The following RP1 variants were observed in gnomAD, a reference collection of about 807,000 sequenced individuals.
RP1 encodes the protein RP1 axonemal microtubule associated.
In RP1, 16 loss-of-function variants were observed where a neutral mutation model predicts 14.8. The ratio of observed to expected loss-of-function variants is 1.08; its 90% CI spans 0.73 to 1.65. RP1 has a LOEUF of 1.65. Among genes scored for constraint, RP1 ranks in the 40% most tolerant of loss-of-function variants. RP1 has a pLI of 0.00. For missense variants in RP1, 2,631 were observed against 2,535.0 expected, an observed-to-expected ratio of 1.04 and a Z score of -0.81; for synonymous variants, 876 against 883.6, an observed-to-expected ratio of 0.99 and a Z score of 0.15.
At chr8:54,837,180 A>G (rs150893967) in intron 24 of RP1, among the ~76,000 whole-genome samples, 1 of 152,348 alleles carries the variant, frequency 6.6e-6, no homozygotes, top group Non-Finnish European at 1.5e-5. Context: ...ACAATAAAAT[A>G]TGCATATTGC....
At chr8:54,576,126 C>T (rs891357041) in intron 1 of RP1, among the ~76,000 whole-genome samples, 7 of 151,544 alleles carry the variant, frequency 4.6e-5, no homozygotes, top group Non-Finnish European at 1.0e-4. Context: ...CTGCAAGCTC[C>T]GCCTCCCAGG....
intron 1 of RP1, among the ~76,000 whole-genome samples, chr8:54,595,773 T>G (rs1171501811): frequency 6.6e-6 from 1 of 152,228 alleles, no homozygotes; most frequent in Admixed American, 6.5e-5. Context: ...TTATATGTTT[T>G]GAGGATAGCT....
intron 24 of RP1, among the ~76,000 whole-genome samples, chr8:54,813,010 T>C (rs890552147): frequency 1.3e-5 from 2 of 152,200 alleles, no homozygotes; most frequent in Non-Finnish European, 2.9e-5. Context: ...AAGTCAAAAT[T>C]TAGTTTCTGC....
At chr8:54,655,498 G>T (rs920736492) in intron 5 of RP1, among the ~76,000 whole-genome samples, 39 of 152,006 alleles carry the variant, frequency 2.6e-4, no homozygotes, top group Non-Finnish European at 1.9e-4. Context: ...AGGATCCAAA[G>T]GGGGAACCAT....
At chr8:54,659,544 C>A (rs140555888) in intron 6 of RP1, among the ~76,000 whole-genome samples, 1 of 152,046 alleles carries the variant, frequency 6.6e-6, no homozygotes, top group Non-Finnish European at 1.5e-5. Flanking sequence ...ACTGTATAAT[C>A]GAGGGCTTTT....
rs536973177 is a variant in RP1, at chr8:54,606,086, T to G, written c.-12-14869T>G. Among the ~76,000 whole-genome samples, 44 of 152,304 alleles carry G rather than the reference T, an allele frequency of 2.9e-4. No individual in the cohort carries two copies. The South Asian group carries it at 7.5e-3, about 26-fold the overall frequency. On this transcript the variant is annotated intron_variant, in intron 1 of 22. Coordinates refer to the RP1 transcript ENST00000636932. ...ATGTGTGAATTTGATCCTGTCATGA[T>G]GATGTTAGCTGGTTATTTTGCTCAT...
chr8:54,820,577 C>G (rs1328703806), intron 24 of RP1, among the ~76,000 whole-genome samples: 2 of 152,114 alleles, frequency 1.3e-5, no homozygotes, highest in Non-Finnish European at 2.9e-5. Flanking sequence ...CACTGAGTTC[C>G]ATGGCAGAGT....
At chr8:54,560,386 A>T (rs1193402973) in intron 1 of RP1, 1 of 152,162 alleles carries the variant, frequency 6.6e-6, no homozygotes, top group African/African-American at 2.4e-5. Flanking sequence ...AGAAAGCTGG[A>T]GCTGGAAGGA....
chr8:54,634,934 T>A (rs569409698), downstream of RP1, among the ~76,000 whole-genome samples: 1 of 152,054 alleles, frequency 6.6e-6, no homozygotes, highest in East Asian at 1.9e-4. Flanking sequence ...ACAAAAAAAT[T>A]AGCCAGGTTT....
intron 12 of RP1, among the ~76,000 whole-genome samples, chr8:54,692,046 T>G (rs550133668): frequency 3.6e-4 from 54 of 151,860 alleles, no homozygotes; most frequent in African/African-American, 1.3e-3. Context: ...AATTCCCACC[T>G]ATGAGTGAGA....
chr8:54,717,307 G>T (rs1184377233), intron 15 of RP1, among the ~76,000 whole-genome samples: 1 of 152,136 alleles, frequency 6.6e-6, no homozygotes. Flanking sequence ...CTCTAGGCTG[G>T]ATTCTTCTTA....
intron 5 of RP1, among the ~76,000 whole-genome samples, chr8:54,653,301 A>C (rs982108239): frequency 4.6e-5 from 7 of 152,214 alleles, no homozygotes; most frequent in Admixed American, 1.3e-4. Flanking sequence ...TATTTTTAAG[A>C]TTAAAAAAAG....
chr8:54,704,723 T>C (rs1251606606), intron 14 of RP1, among the ~76,000 whole-genome samples: 1 of 152,150 alleles, frequency 6.6e-6, no homozygotes, highest in Non-Finnish European at 1.5e-5. Flanking sequence ...AATAAACACT[T>C]TCTCACATTA....
At chr8:54,632,815 A>G (rs1464475994), downstream of RP1, among the ~76,000 whole-genome samples, 1 of 152,212 alleles carries the variant, frequency 6.6e-6, no homozygotes, top group African/African-American at 2.4e-5. Context: ...TGTGAAATTT[A>G]GAAGAGTAAG....
intron 19 of RP1, among the ~76,000 whole-genome samples, chr8:54,742,832 T>C (rs1168176689): frequency 1.3e-5 from 2 of 152,130 alleles, no homozygotes; most frequent in Non-Finnish European, 2.9e-5. Flanking sequence ...CTGGGGCCTG[T>C]GAGTGAGAAA....
chr8:54,689,732 T>G (rs966899313), intron 12 of RP1, among the ~76,000 whole-genome samples: 3 of 152,074 alleles, frequency 2.0e-5, no homozygotes, highest in Non-Finnish European at 4.4e-5. Flanking sequence ...TTTTTTTGCA[T>G]AAAGCATAAC....
At chr8:54,569,112 C>T (rs971390153) in intron 1 of RP1, among the ~76,000 whole-genome samples, 1 of 152,168 alleles carries the variant, frequency 6.6e-6, no homozygotes, top group African/African-American at 2.4e-5. Flanking sequence ...CCCAAAGTTA[C>T]GTTCCCAGGA....
intron 22 of RP1, among the ~76,000 whole-genome samples, chr8:54,765,118 C>A (rs1008618861): frequency 3.3e-5 from 5 of 152,246 alleles, no homozygotes; most frequent in South Asian, 2.1e-4. Context: ...CATCTCCATG[C>A]ATGAGATTCT....
intron 9 of RP1, among the ~76,000 whole-genome samples, chr8:54,679,177 G>C (rs1807366099): frequency 6.6e-6 from 1 of 152,150 alleles, no homozygotes; most frequent in South Asian, 2.1e-4. Flanking sequence ...TAACTCACCT[G>C]TGTTATTAGG....
Sources: gnomAD v4.1 joint callset for allele counts (sites outside exome capture counted in the v4.1 genomes callset) on GRCh38, gnomAD v4.1.1 for gene constraint, MANE v1.5 for transcripts, NCBI Gene and HGNC (gene_info 2026-07-23, HGNC 2026-07-21) for gene names.